The following CTBP1 variants were observed in gnomAD, a reference collection of about 807,000 sequenced individuals.
The protein encoded by CTBP1 is C-terminal-binding protein 1.
In CTBP1, 11 loss-of-function variants were observed where a neutral mutation model predicts 42.1. That is an observed-to-expected ratio of 0.26 (90% confidence interval 0.16 to 0.43). The LOEUF (loss-of-function observed/expected upper bound fraction) is 0.43. Among genes scored for constraint, CTBP1 ranks in the 20% least tolerant of loss-of-function variants. CTBP1 has a pLI of 1.00. For synonymous variants in CTBP1, 324 were observed against 277.1 expected, an observed-to-expected ratio of 1.17 and a Z score of -1.68; for missense variants, 399 against 624.3, an observed-to-expected ratio of 0.64 and a Z score of 3.85.
chr4:1,212,098 C>T lies in CTBP1; in HGVS notation c.*142G>A, dbSNP rs1049051514. ...CGACGACAAGCGACACGAGGCCCAGCGCTGCCCCCTCCCGCCTCCTGACAG... is the reference window on the plus strand; with the variant it reads ...CGACGACAAGCGACACGAGGCCCAGTGCTGCCCCCTCCCGCCTCCTGACAG... On this transcript the variant is annotated 3_prime_UTR_variant, in exon 10 of 10. Transcript: ENST00000382952. 29 of 631,002 alleles carry T rather than the reference C, an allele frequency of 4.6e-5. No individual in the cohort carries two copies. Among genetic ancestry groups the T allele is most frequent in the African/African-American group, 2.7e-4 (14 of 51,764 alleles). The allele number at this position is 631,002 out of a possible 1,614,324, so 39.1% of individuals were successfully genotyped here.
At chr4:1,234,315 C>T (rs1445982073) in intron 3 of CTBP1, among the ~76,000 whole-genome samples, 2 of 152,196 alleles carry the variant, frequency 1.3e-5, no homozygotes, top group African/African-American at 4.8e-5. Flanking sequence ...TTCAAGCTCT[C>T]CTAGTTCTTG....
intron 5 of CTBP1, 111 bp from the exon 6 acceptor site, chr4:1,216,316 G>A: frequency 1.8e-6 from 2 of 1,097,628 alleles, no homozygotes; most frequent in Non-Finnish European, 2.6e-6. Flanking sequence ...CATCTGCCAA[G>A]GATGACACCA....
chr4:1,242,612 C>T (rs1732294760), intron 1 of CTBP1: 3 of 985,462 alleles, frequency 3.0e-6, no homozygotes, highest in Non-Finnish European at 1.2e-6. Context: ...CCCACGCACG[C>T]ACCTCCCATC....
At chr4:1,245,649 A>G (rs1363071947) in intron 1 of CTBP1, 2 of 982,000 alleles carry the variant, frequency 2.0e-6, no homozygotes, top group African/African-American at 3.6e-5. Flanking sequence ...ATGGACGGGC[A>G]GGGTGACACG....
chr4:1,241,276 G>C, intron 2 of CTBP1, 49 bp downstream of exon 2: 1 of 787,658 alleles, frequency 1.3e-6, no homozygotes, highest in Non-Finnish European at 2.4e-6. Context: ...CGGTCGCAAA[G>C]AGACCGGCCG....
At chr4:1,215,022 GCCC>G (rs1161945030) in intron 6 of CTBP1, among the ~76,000 whole-genome samples, 1 of 152,180 alleles carries the variant, frequency 6.6e-6, no homozygotes, top group Non-Finnish European at 1.5e-5. Flanking sequence ...CTTTCCTGCA[GCCC>G]CCCCATTTCA....
rs1731822702 is a variant in CTBP1 at position 1,238,585 on chromosome 4, C to A, written c.8-248G>T. 6.6e-6 allele frequency among the ~76,000 whole-genome samples: 1 copy of A among 151,928 alleles called. No individual in the cohort carries two copies. Among genetic ancestry groups the A allele is most frequent in the Non-Finnish European group, 1.5e-5 (1 of 67,982 alleles). On this transcript the variant is annotated intron_variant, in intron 2 of 9. Transcript: ENST00000382952. This position sits in a 1 kb window ranked among gnomAD's most constrained non-coding sequence, Gnocchi z 5.9. ...ACTACCATCTCCCTTGGGCACAGGACCTCCGAGACCCTCCAAGTCCCCTCC... is the reference window on the plus strand; with the variant it reads ...ACTACCATCTCCCTTGGGCACAGGAACTCCGAGACCCTCCAAGTCCCCTCC...
intron 1 of CTBP1, among the ~76,000 whole-genome samples, chr4:1,247,673 G>A (rs1239035127): frequency 6.6e-6 from 1 of 151,896 alleles, no homozygotes; most frequent in Admixed American, 6.5e-5. Context: ...CAGCGAGGAC[G>A]GCCGCGGTGC....
In CTBP1 at chr4:1,216,409, GAGATGCAC is replaced by G. The variant is rs770598003; in HGVS notation, c.515-212_515-205del. ...CAACGCGCCCACTGCCAAGGCGGAG[GAGATGCAC>G]AGGGGTGGAAAGGGTACACTAGCCC... On this transcript the variant is annotated intron_variant, in intron 5 of 9. Transcript: ENST00000382952. The G allele has an allele frequency of 1.0e-3, 627 of 609,916 alleles. 1 individual carries two copies. Among genetic ancestry groups the G allele is most frequent in the Non-Finnish European group, 1.5e-3 (520 of 345,296 alleles). 37.8% of individuals were successfully genotyped at this position (609,916 alleles called of 1,614,324 possible).
intron 5 of CTBP1, among the ~76,000 whole-genome samples, chr4:1,220,200 C>CAA (rs567811704): frequency 0.062 from 3,658 of 58,902 alleles, 141 homozygotes; most frequent in East Asian, 0.32. Flanking sequence ...GACTCTGTCT[C>CAA]AAAAAAAAAA....
intron 4 of CTBP1, among the ~76,000 whole-genome samples, chr4:1,226,009 G>A (rs1325001755): frequency 6.6e-6 from 1 of 152,010 alleles, no homozygotes; most frequent in Non-Finnish European, 1.5e-5. Flanking sequence ...GTGGACATCC[G>A]CACATGTCCT....
At chr4:1,230,038 C>T (rs964872080) in intron 3 of CTBP1, among the ~76,000 whole-genome samples, 2 of 152,196 alleles carry the variant, frequency 1.3e-5, no homozygotes, top group African/African-American at 2.4e-5. Flanking sequence ...GTGTAACACT[C>T]ATCAGTTCAT....
At chr4:1,247,673 G>C (rs1239035127) in intron 1 of CTBP1, among the ~76,000 whole-genome samples, 1 of 151,896 alleles carries the variant, frequency 6.6e-6, no homozygotes, top group Non-Finnish European at 1.5e-5. Flanking sequence ...CAGCGAGGAC[G>C]GCCGCGGTGC....
At position 1,213,697 on chromosome 4, in the gene CTBP1, G is replaced by A; in HGVS notation, c.861-92C>T. The A allele has an allele frequency of 5.4e-6, 8 of 1,488,948 alleles. No homozygotes were observed. In the South Asian group the frequency reaches 6.4e-5, roughly 12 times the overall value. The allele number at this position is 1,488,948 out of a possible 1,614,324, so 92.2% of individuals were successfully genotyped here. A position where few individuals can be genotyped will look rare whatever the true frequency, so the allele number is the denominator to read the frequency against. Reference sequence around the variant, plus strand: ...TGGGCACTGGAACCCCCTGTGGGGGGCCCTGCCTGGGAACCACAGACCCCA... The same window carrying A: ...TGGGCACTGGAACCCCCTGTGGGGGACCCTGCCTGGGAACCACAGACCCCA... On this transcript the variant is annotated intron_variant, in intron 7 of 9. Coordinates refer to ENST00000382952, the MANE Select transcript of CTBP1 (RefSeq NM_001012614.2).
chr4:1,245,648 C>A, intron 1 of CTBP1: 2 of 982,030 alleles, frequency 2.0e-6, no homozygotes, highest in Non-Finnish European at 2.4e-6. Context: ...CATGGACGGG[C>A]AGGGTGACAC....
intron 2 of CTBP1, among the ~76,000 whole-genome samples, chr4:1,240,873 G>T (rs1489212514): frequency 2.0e-5 from 3 of 152,192 alleles, no homozygotes; most frequent in Admixed American, 6.5e-5. Flanking sequence ...CATCCCCCAA[G>T]CCCAAGGCTG....
chr4:1,213,084 G>T (rs925575649), intron 8 of CTBP1, 54 bp from the exon 9 acceptor site: 2 of 1,458,714 alleles, frequency 1.4e-6, no homozygotes, highest in African/African-American at 2.8e-5. Context: ...CCCCAGGAGC[G>T]TGGCCCACTG....
chr4:1,227,276 C>A (rs555816254), intron 4 of CTBP1, among the ~76,000 whole-genome samples: 1 of 151,716 alleles, frequency 6.6e-6, no homozygotes, highest in Non-Finnish European at 1.5e-5. Flanking sequence ...GTGCTGAGTG[C>A]GTGTGCACAG....
intron 4 of CTBP1, among the ~76,000 whole-genome samples, chr4:1,227,900 C>A (rs928193079): frequency 6.6e-6 from 1 of 152,230 alleles, no homozygotes; most frequent in African/African-American, 2.4e-5. Flanking sequence ...CCTGCCCTCA[C>A]CCCCAGGGTC....
Sources: allele counts gnomAD v4.1 joint callset (sites outside exome capture counted in the v4.1 genomes callset), GRCh38; gene constraint gnomAD v4.1.1; non-coding constraint Gnocchi (gnomAD v3.1); transcripts MANE v1.5; gene names NCBI Gene and HGNC (gene_info 2026-07-23, HGNC 2026-07-21).